RUNX2: variants seen among roughly 807,000 people sequenced by gnomAD.
RUNX2 encodes the protein runt-related transcription factor 2.
In RUNX2, 10 loss-of-function variants were observed where a neutral mutation model predicts 51.7. That is an observed-to-expected ratio of 0.19 (90% CI 0.12 to 0.33). The LOEUF (loss-of-function observed/expected upper bound fraction) is 0.33. RUNX2 is among the 10% of genes least tolerant of loss of function. RUNX2 has a pLI of 1.00. For missense variants in RUNX2, 562 were observed against 691.3 expected, an observed-to-expected ratio of 0.81 and a Z score of 2.10; for synonymous variants, 276 against 273.6, an observed-to-expected ratio of 1.01 and a Z score of -0.09.
chr6:45,473,490 G>T (rs1243895847), intron 5 of RUNX2, among the ~76,000 whole-genome samples: 1 of 152,206 alleles, frequency 6.6e-6, no homozygotes, highest in African/African-American at 2.4e-5. Context: ...GGTACTCAAA[G>T]GTGGGGGAGC....
chr6:45,505,207 A>G (rs564061024), intron 6 of RUNX2, among the ~76,000 whole-genome samples: 1 of 152,282 alleles, frequency 6.6e-6, no homozygotes, highest in East Asian at 1.9e-4. Context: ...AGTGTTTACA[A>G]AAGGAGCCTT....
chr6:45,466,123 G>A (rs1408374466), intron 5 of RUNX2, among the ~76,000 whole-genome samples: 2 of 151,880 alleles, frequency 1.3e-5, no homozygotes, highest in Non-Finnish European at 2.9e-5. Context: ...AGACCAACCT[G>A]GCCAACATGG....
chr6:45,350,806 AAATG>A (rs776382032), intron 2 of RUNX2, among the ~76,000 whole-genome samples: 1 of 152,166 alleles, frequency 6.6e-6, no homozygotes, highest in Non-Finnish European at 1.5e-5. Context: ...AGTAGTGTCT[AAATG>A]AATGAAGTCT....
chr6:45,391,479 T>C (rs558749971), intron 2 of RUNX2, among the ~76,000 whole-genome samples: 1 of 152,192 alleles, frequency 6.6e-6, no homozygotes, highest in African/African-American at 2.4e-5. Context: ...CTTTTTTCTT[T>C]ATAAATTACC....
chr6:45,433,881 G>A (rs1386231971), intron 4 of RUNX2, among the ~76,000 whole-genome samples: 1 of 152,164 alleles, frequency 6.6e-6, no homozygotes, highest in Non-Finnish European at 1.5e-5. Context: ...TCCAAACAGA[G>A]CTGACCCCCT....
chr6:45,481,114 T>C (rs978590233), intron 5 of RUNX2, among the ~76,000 whole-genome samples: 1 of 152,194 alleles, frequency 6.6e-6, no homozygotes, highest in African/African-American at 2.4e-5. Flanking sequence ...TCTCTGTCTC[T>C]GTCTCACTCT....
intron 4 of RUNX2, among the ~76,000 whole-genome samples, chr6:45,435,094 A>G (rs1470841412): frequency 1.3e-5 from 2 of 152,200 alleles, no homozygotes; most frequent in Non-Finnish European, 2.9e-5. Flanking sequence ...TTGGCAGATC[A>G]TAGTTATACT....
At chr6:45,541,710 C>T (rs1207996832) in intron 7 of RUNX2, among the ~76,000 whole-genome samples, 1 of 152,138 alleles carries the variant, frequency 6.6e-6, no homozygotes, top group Non-Finnish European at 1.5e-5. Flanking sequence ...TCAAGGCCCC[C>T]CTTCCTTTTT....
At chr6:45,351,216 A>C (rs1478677508) in intron 2 of RUNX2, among the ~76,000 whole-genome samples, 1 of 152,216 alleles carries the variant, frequency 6.6e-6, no homozygotes, top group East Asian at 1.9e-4. Context: ...TTATGCTCTA[A>C]ATTAGTGAAA....
chr6:45,332,211 T>TC (rs1207133212), intron 2 of RUNX2, among the ~76,000 whole-genome samples: 2 of 151,860 alleles, frequency 1.3e-5, no homozygotes, highest in African/African-American at 4.8e-5. Context: ...ACTTTTTTTT[T>TC]CAACAAATAT....
Position 45,395,554 on chromosome 6 carries a change from G to A in RUNX2, c.59-27039G>A, listed in dbSNP as rs575655553. Among the ~76,000 whole-genome samples, 120 of 152,238 alleles carry A rather than the reference G, an allele frequency of 7.9e-4. 1 individual carries two copies. The highest frequency in any genetic ancestry group is 2.1e-3 in the African/African-American group (88 of 41,560). ...ATAAGAACATATAACAAAAAATTTA[G>A]GGGAAAATGTGTGACAAAAATTTAG... On this transcript the variant is annotated intron_variant, in intron 2 of 8. Transcript: ENST00000647337.
At chr6:45,365,363 AAAAG>A (rs1469783464) in intron 2 of RUNX2, 28 of 1,107,836 alleles carry the variant, frequency 2.5e-5, no homozygotes, top group South Asian at 2.1e-4. Flanking sequence ...ATGCAAAAAA[AAAAG>A]AAAGCAAATA....
intron 7 of RUNX2, among the ~76,000 whole-genome samples, chr6:45,514,938 T>G (rs1466104228): frequency 6.7e-5 from 8 of 119,778 alleles, no homozygotes; most frequent in South Asian, 2.4e-4. Flanking sequence ...TTAATTTGGG[T>G]TTTTTTTTTT....
chr6:45,510,705 T>C (rs1287918296), intron 6 of RUNX2, among the ~76,000 whole-genome samples: 2 of 152,058 alleles, frequency 1.3e-5, no homozygotes, highest in Non-Finnish European at 2.9e-5. Context: ...CAGATATGTT[T>C]GAAACATGGA....
chr6:45,399,774 G>GAGA (rs2150351172), intron 2 of RUNX2, among the ~76,000 whole-genome samples: 1 of 132,058 alleles, frequency 7.6e-6, no homozygotes, highest in Non-Finnish European at 1.7e-5. Context: ...AAGGAAGGAG[G>GAGA]GAGGGAGGGA....
chr6:45,363,971 C>T (rs938768966), intron 2 of RUNX2, among the ~76,000 whole-genome samples: 4 of 151,678 alleles, frequency 2.6e-5, no homozygotes, highest in South Asian at 4.2e-4. Context: ...AAAAATTAGC[C>T]GGGTGTGGTG....
At chr6:45,403,851 GA>G (rs1797773450) in intron 2 of RUNX2, among the ~76,000 whole-genome samples, 1 of 152,154 alleles carries the variant, frequency 6.6e-6, no homozygotes, top group African/African-American at 2.4e-5. Context: ...GAGAAATGGA[GA>G]AAAACAAAGC....
At chr6:45,467,207 A>G (rs1188331289) in intron 5 of RUNX2, among the ~76,000 whole-genome samples, 1 of 151,968 alleles carries the variant, frequency 6.6e-6, no homozygotes, top group Non-Finnish European at 1.5e-5. Flanking sequence ...GGTCTCTTCC[A>G]TATCATATTC....
At chr6:45,346,659 C>G (rs1284015842) in intron 2 of RUNX2, among the ~76,000 whole-genome samples, 1 of 151,750 alleles carries the variant, frequency 6.6e-6, no homozygotes, top group Non-Finnish European at 1.5e-5. Context: ...CCTCCACCTC[C>G]TGGGTTCAAG....
Sources: gnomAD v4.1 joint callset for allele counts (sites outside exome capture counted in the v4.1 genomes callset) on GRCh38, gnomAD v4.1.1 for gene constraint, MANE v1.5 for transcripts, NCBI Gene and HGNC (gene_info 2026-07-23, HGNC 2026-07-21) for gene names.